COL4A5: variants seen among roughly 807,000 people sequenced by gnomAD.
The protein encoded by COL4A5 is collagen alpha-5(IV) chain.
A neutral mutation model predicts 130.2 loss-of-function variants in COL4A5; 26 were observed. The observed-to-expected ratio is 0.20, with a 90% CI of 0.15 to 0.28. The LOEUF (loss-of-function observed/expected upper bound fraction) is 0.28. Among genes scored for constraint, COL4A5 ranks in the 10% least tolerant of loss-of-function variants. The pLI is 1.00. For missense variants in COL4A5, 1,131 were observed against 1,344.3 expected (o/e 0.84, Z 2.48); for synonymous variants, 496 against 439.6 (o/e 1.13, Z -1.60).
intron 20 of COL4A5, 62 bp downstream of exon 20, chrX:108,591,293 A>G: frequency 9.4e-7 from 1 of 1,058,569 alleles, no homozygotes; most frequent in Non-Finnish European, 1.3e-6. Flanking sequence ...GTTTATAAGT[A>G]ACTCTAGCTA....
intron 1 of COL4A5, among the ~76,000 whole-genome samples, chrX:108,503,755 T>C (rs1179674350): frequency 8.9e-6 from 1 of 111,875 alleles, no homozygotes; most frequent in Non-Finnish European, 1.9e-5. Flanking sequence ...AAAGAAATCA[T>C]AGATGACAAA....
Position 108,581,989 on chromosome X carries a change from C to A in COL4A5, c.937-895C>A, listed in dbSNP as rs549695577. Among the ~76,000 whole-genome samples, 30 of 110,503 alleles carry A rather than the reference C, an allele frequency of 2.7e-4. 1 individual carries two copies. The South Asian group carries it at 0.011, about 42-fold the overall frequency. On this transcript the variant is annotated intron_variant, in intron 16 of 52. Coordinates refer to ENST00000328300, the MANE Select transcript of COL4A5 (RefSeq NM_033380.3). ...ATATGTAAGTCCAAGAACATTATTT[C>A]AAGCAGCTTCAGTATCAAGAGTATC...
intron 49 of COL4A5, chrX:108,689,276 T>C: frequency 1.5e-6 from 1 of 658,196 alleles, no homozygotes; most frequent in South Asian, 7.7e-5. Flanking sequence ...CTAGTCTTTC[T>C]CCTATAAATT....
At chrX:108,591,026 G>A (rs1569492946) in intron 19 of COL4A5, 32 bp from the exon 20 acceptor site, 1 of 1,179,216 alleles carries the variant, frequency 8.5e-7, no homozygotes, top group Admixed American at 2.2e-5. Context: ...TCTCTAAGAT[G>A]AAATCATTTT....
At chrX:108,621,125 C>G (rs1471082375) in intron 31 of COL4A5, among the ~76,000 whole-genome samples, 3 of 89,043 alleles carry the variant, frequency 3.4e-5, no homozygotes, top group Non-Finnish European at 6.5e-5. Context: ...TCTTTCTTTC[C>G]TCTCTTTCTT....
intron 1 of COL4A5, among the ~76,000 whole-genome samples, chrX:108,469,889 G>A (rs980925233): frequency 3.6e-5 from 4 of 111,279 alleles, no homozygotes; most frequent in Non-Finnish European, 5.7e-5. Context: ...CGTGGTATCC[G>A]GTTTTCTCTT....
chrX:108,608,236 T>G (rs1250990208), intron 29 of COL4A5, among the ~76,000 whole-genome samples: 1 of 111,594 alleles, frequency 9.0e-6, no homozygotes, highest in East Asian at 2.8e-4. Context: ...CTCTTGGATT[T>G]TTGCTAACCT....
At chrX:108,474,048 C>A (rs1390503497) in intron 1 of COL4A5, among the ~76,000 whole-genome samples, 1 of 111,069 alleles carries the variant, frequency 9.0e-6, no homozygotes, top group Non-Finnish European at 1.9e-5. Flanking sequence ...TCAAAGTAAG[C>A]TAAGGTTAAT....
Position 108,666,686 on chromosome X carries a change from C to T in COL4A5, c.3553+92C>T. On this transcript the variant is annotated intron_variant, in intron 39 of 52. Coordinates refer to ENST00000328300, the MANE Select transcript of COL4A5 (RefSeq NM_033380.3). ...ATTACCCACAGTGAAATTGTATCTT[C>T]TTTCTTACTAAGCTACCACACACTT... 4.0e-6 allele frequency: 3 copies of T among 742,840 alleles called. No homozygotes were observed. The South Asian group carries it at 7.0e-5, about 17-fold the overall frequency. The allele number at this position is 742,840 out of a possible 1,213,427, so 61.2% of individuals were successfully genotyped here. A position where few individuals can be genotyped will look rare whatever the true frequency, so the allele number is the denominator to read the frequency against.
chrX:108,552,463 GA>G (rs1472436890), intron 2 of COL4A5, among the ~76,000 whole-genome samples: 1 of 110,207 alleles, frequency 9.1e-6, no homozygotes, highest in African/African-American at 3.3e-5. Flanking sequence ...ATGAACATTT[GA>G]AAAAAAATCA....
intron 2 of COL4A5, among the ~76,000 whole-genome samples, chrX:108,545,183 T>C (rs1415725260): frequency 8.9e-6 from 1 of 111,925 alleles, no homozygotes; most frequent in Non-Finnish European, 1.9e-5. Context: ...CTTCTCTAGT[T>C]CTTTTAATTG....
At chrX:108,478,106 C>A (rs180815755) in intron 1 of COL4A5, among the ~76,000 whole-genome samples, 268 of 111,162 alleles carry the variant, frequency 2.4e-3, no homozygotes, top group African/African-American at 4.1e-3. Context: ...CCTAATGGAT[C>A]TCCTGTATTC....
chrX:108,520,337 C>G (rs1482164873), intron 1 of COL4A5, among the ~76,000 whole-genome samples: 1 of 111,283 alleles, frequency 9.0e-6, no homozygotes, highest in Non-Finnish European at 1.9e-5. Flanking sequence ...TTATAAATAT[C>G]CCGGATGTGC....
intron 1 of COL4A5, among the ~76,000 whole-genome samples, chrX:108,478,103 G>T (rs1194224064): frequency 1.8e-5 from 2 of 110,995 alleles, no homozygotes; most frequent in Non-Finnish European, 3.8e-5. Flanking sequence ...TACCCTAATG[G>T]ATCTCCTGTA....
chrX:108,563,039 A>G (rs1385583367), intron 3 of COL4A5, among the ~76,000 whole-genome samples: 3 of 110,509 alleles, frequency 2.7e-5, no homozygotes, highest in Admixed American at 9.7e-5. Context: ...TATATACAGA[A>G]CCTCCTCATT....
At chrX:108,452,104 T>A (rs1229214314) in intron 1 of COL4A5, among the ~76,000 whole-genome samples, 2 of 112,094 alleles carry the variant, frequency 1.8e-5, no homozygotes, top group Non-Finnish European at 3.8e-5. Context: ...TTGCTTGTTT[T>A]TCTCAGGTTT....
chrX:108,443,889 ATTG>A (rs1220181658), intron 1 of COL4A5, among the ~76,000 whole-genome samples: 2 of 112,162 alleles, frequency 1.8e-5, no homozygotes, highest in Non-Finnish European at 3.8e-5. Flanking sequence ...TGAATAAATT[ATTG>A]TTGTGACATT....
intron 1 of COL4A5, among the ~76,000 whole-genome samples, chrX:108,502,296 T>A (rs781578631): frequency 9.0e-6 from 1 of 111,074 alleles, no homozygotes; most frequent in African/African-American, 3.3e-5. Context: ...TTTGTTTTGT[T>A]TTTTTGGAGA....
intron 1 of COL4A5, among the ~76,000 whole-genome samples, chrX:108,472,777 G>T (rs951961103): frequency 2.7e-5 from 3 of 111,782 alleles, no homozygotes; most frequent in Non-Finnish European, 5.6e-5. Context: ...TTTCCTTTGG[G>T]AATATACCTA....
Sources: gnomAD v4.1 joint callset for allele counts (sites outside exome capture counted in the v4.1 genomes callset) on GRCh38, gnomAD v4.1.1 for gene constraint, MANE v1.5 for transcripts, NCBI Gene and HGNC (gene_info 2026-07-23, HGNC 2026-07-21) for gene names.